Variants in LRRTM3 observed in about 807,000 individuals in gnomAD.
The protein encoded by LRRTM3 is leucine-rich repeat transmembrane neuronal protein 3.
Under a neutral mutation model 44.7 loss-of-function variants are expected in LRRTM3, and 24 were observed. That is an observed-to-expected ratio of 0.54 (90% confidence interval 0.39 to 0.76). LRRTM3 has a LOEUF of 0.76. Among genes scored for constraint, LRRTM3 ranks in the 30% least tolerant of loss-of-function variants. LRRTM3 has a pLI of 0.00. For missense variants in LRRTM3, 587 were observed against 702.2 expected (o/e 0.84, Z 1.85); for synonymous variants, 277 against 278.7 (o/e 0.99, Z 0.06).
intron 2 of LRRTM3, among the ~76,000 whole-genome samples, chr10:66,941,370 C>A (rs976550301): frequency 3.3e-5 from 5 of 152,184 alleles, no homozygotes; most frequent in African/African-American, 1.2e-4. Flanking sequence ...AGATTTATGA[C>A]ATAAGGATAG....
intron 2 of LRRTM3, among the ~76,000 whole-genome samples, chr10:67,094,470 G>C (rs1857845115): frequency 6.6e-6 from 1 of 151,526 alleles, no homozygotes; most frequent in Admixed American, 6.6e-5. Flanking sequence ...GTAATTGGGG[G>C]AACAGTGTAT....
chr10:66,973,246 T>C (rs1849825126), intron 2 of LRRTM3, among the ~76,000 whole-genome samples: 1 of 152,136 alleles, frequency 6.6e-6, no homozygotes, highest in Non-Finnish European at 1.5e-5. Flanking sequence ...AAAACAGTAT[T>C]GAGTAAAGAC....
chr10:66,983,743 T>G (rs1395848456), intron 2 of LRRTM3, among the ~76,000 whole-genome samples: 2 of 152,186 alleles, frequency 1.3e-5, no homozygotes, highest in Non-Finnish European at 2.9e-5. Flanking sequence ...ATGATACAGT[T>G]TTTAGGAAAA....
intron 2 of LRRTM3, among the ~76,000 whole-genome samples, chr10:67,049,085 A>T (rs1184258773): frequency 2.0e-5 from 3 of 151,534 alleles, no homozygotes; most frequent in Non-Finnish European, 4.4e-5. Flanking sequence ...GAAAAAAATG[A>T]CATTTATAAC....
intron 2 of LRRTM3, among the ~76,000 whole-genome samples, chr10:66,979,740 A>C (rs552785192): frequency 6.6e-6 from 1 of 152,318 alleles, no homozygotes; most frequent in African/African-American, 2.4e-5. Context: ...TGTTAGCTAT[A>C]ATCTACTTTA....
intron 2 of LRRTM3, among the ~76,000 whole-genome samples, chr10:67,022,188 G>C (rs934924488): frequency 6.6e-6 from 1 of 152,092 alleles, no homozygotes; most frequent in Non-Finnish European, 1.5e-5. Context: ...ACTTTGGAAA[G>C]AACATGGAGC....
rs201365004 is a variant in LRRTM3, at chr10:66,928,400, T to C, written c.1484T>C (p.Leu495Pro). Residue 495 changes from leucine (L) to proline (P), a missense_variant, in exon 2 of 3, where the codon CTG becomes CCG. Leu to Pro is a moderately conservative substitution (Grantham distance 98). Around this residue, in one of 3 missense-constraint regions of LRRTM3, gnomAD observed 315 missense variants for 335.6 expected, o/e 0.94. Transcript: ENST00000361320. Reference protein sequence around the residue: ...PTNTETSEMLLNGTGPCTYNK... With the variant: ...PTNTETSEMLPNGTGPCTYNK... The stretch of plus-strand genomic sequence containing the variant: ...AACACGGAGACCAGCGAGATGCTGC[T>C]GAATGGGACGGGACCCTGCACCTAT... 268 of 1,614,102 alleles carry C rather than the reference T, an allele frequency of 1.7e-4. 2 individuals are homozygous for C. In the South Asian group the frequency reaches 2.3e-3, roughly 14 times the overall value.
At chr10:67,095,333 T>C (rs1251332538) in intron 2 of LRRTM3, among the ~76,000 whole-genome samples, 1 of 151,692 alleles carries the variant, frequency 6.6e-6, no homozygotes, top group Non-Finnish European at 1.5e-5. Context: ...TCAGAAATAA[T>C]AAAATGTGAA....
intron 2 of LRRTM3, among the ~76,000 whole-genome samples, chr10:66,936,763 A>G (rs563301324): frequency 4.6e-5 from 7 of 152,230 alleles, no homozygotes; most frequent in Admixed American, 1.3e-4. Flanking sequence ...TCCTCCATCC[A>G]GTGGTGCCCA....
At chr10:67,023,514 C>T (rs578235170) in intron 2 of LRRTM3, among the ~76,000 whole-genome samples, 4 of 152,236 alleles carry the variant, frequency 2.6e-5, no homozygotes, top group African/African-American at 9.6e-5. Context: ...ATAGCTCTAA[C>T]TTAAGGGATC....
chr10:66,928,906 G>C (rs1847221964), intron 2 of LRRTM3, among the ~76,000 whole-genome samples: 1 of 152,176 alleles, frequency 6.6e-6, no homozygotes, highest in Admixed American at 6.5e-5. Context: ...CTGATTCTTG[G>C]AGATGACTCA....
At chr10:67,081,986 C>T (rs959013050) in intron 2 of LRRTM3, among the ~76,000 whole-genome samples, 1 of 152,186 alleles carries the variant, frequency 6.6e-6, no homozygotes, top group Non-Finnish European at 1.5e-5. Flanking sequence ...ATTACCAGCA[C>T]ATAACACAGT....
intron 2 of LRRTM3, among the ~76,000 whole-genome samples, chr10:67,029,710 T>C (rs1305971437): frequency 6.6e-6 from 1 of 152,214 alleles, no homozygotes; most frequent in Non-Finnish European, 1.5e-5. Flanking sequence ...AAACAAAAGA[T>C]ATTTTTACAA....
intron 2 of LRRTM3, among the ~76,000 whole-genome samples, chr10:66,987,954 C>T (rs1850825801): frequency 6.6e-6 from 1 of 152,116 alleles, no homozygotes; most frequent in Non-Finnish European, 1.5e-5. Flanking sequence ...ACATTTCTAT[C>T]ATAACAAATG....
intron 2 of LRRTM3, among the ~76,000 whole-genome samples, chr10:67,049,574 G>A (rs1288301152): frequency 6.6e-6 from 1 of 152,000 alleles, no homozygotes; most frequent in African/African-American, 2.4e-5. Flanking sequence ...ATTTCACAAG[G>A]TTGCTTTGTG....
intron 2 of LRRTM3, among the ~76,000 whole-genome samples, chr10:67,059,745 T>C (rs184828143): frequency 6.6e-6 from 1 of 152,270 alleles, no homozygotes; most frequent in African/African-American, 2.4e-5. Context: ...TGAAAATGCA[T>C]AATGAACTTT....
At chr10:67,033,111 A>G (rs1853833408) in intron 2 of LRRTM3, among the ~76,000 whole-genome samples, 1 of 152,238 alleles carries the variant, frequency 6.6e-6, no homozygotes, top group African/African-American at 2.4e-5. Flanking sequence ...GAACTATTTT[A>G]ACAAAAATAA....
chr10:66,978,194 A>G (rs1407915265), intron 2 of LRRTM3, among the ~76,000 whole-genome samples: 1 of 152,022 alleles, frequency 6.6e-6, no homozygotes, highest in Non-Finnish European at 1.5e-5. Context: ...AATAAGTTCT[A>G]GAGATCTGCT....
chr10:67,042,712 G>A (rs779158174), intron 2 of LRRTM3, among the ~76,000 whole-genome samples: 1 of 152,102 alleles, frequency 6.6e-6, no homozygotes, highest in Non-Finnish European at 1.5e-5. Context: ...GAGGTGGTCA[G>A]CAAGTTTGAT....
Sources: gnomAD v4.1 joint callset for allele counts (sites outside exome capture counted in the v4.1 genomes callset) on GRCh38, gnomAD v4.1.1 for gene constraint, gnomAD v4.1.1 regional missense constraint, MANE v1.5 for transcripts, NCBI Gene and HGNC (gene_info 2026-07-23, HGNC 2026-07-21) for gene names.